The following MSRA variants were observed in gnomAD, a reference collection of about 807,000 sequenced individuals.
The protein encoded by MSRA is mitochondrial peptide methionine sulfoxide reductase.
Under a neutral mutation model 31.3 loss-of-function variants are expected in MSRA, and 54 were observed. The ratio of observed to expected loss-of-function variants is 1.73; its 90% CI spans 1.39 to 2.17. The LOEUF (loss-of-function observed/expected upper bound fraction) is 2.17, where lower values mean the gene tolerates loss of function less well. MSRA is among the 30% of genes most tolerant of loss of function. MSRA has a pLI of 0.00. For missense variants in MSRA, 507 were observed against 300.9 expected (o/e 1.69, Z -5.07); for synonymous variants, 169 against 116.5 (o/e 1.45, Z -2.90).
At chr8:10,256,850 G>A (rs1405555329) in intron 3 of MSRA, among the ~76,000 whole-genome samples, 1 of 152,106 alleles carries the variant, frequency 6.6e-6, no homozygotes, top group Non-Finnish European at 1.5e-5. Flanking sequence ...TCTCAGTTTG[G>A]GAGGACCTTG....
At chr8:10,107,299 A>T (rs978636791) in intron 1 of MSRA, among the ~76,000 whole-genome samples, 2 of 151,580 alleles carry the variant, frequency 1.3e-5, no homozygotes, top group Non-Finnish European at 2.9e-5. Context: ...TAAGTATAGC[A>T]CTCTGAAAAA....
intron 2 of MSRA, among the ~76,000 whole-genome samples, chr8:10,210,808 A>G (rs1337980784): frequency 1.3e-5 from 2 of 150,752 alleles, no homozygotes; most frequent in Non-Finnish European, 2.9e-5. Flanking sequence ...ATCTGAGCTC[A>G]CTGCAACCTC....
At chr8:10,237,971 T>C (rs1812094258) in intron 2 of MSRA, among the ~76,000 whole-genome samples, 2 of 151,968 alleles carry the variant, frequency 1.3e-5, no homozygotes, top group Non-Finnish European at 2.9e-5. Context: ...AAAACATAAG[T>C]TTTATCATTT....
At chr8:10,367,110 C>G (rs1353145658) in intron 5 of MSRA, among the ~76,000 whole-genome samples, 1 of 152,174 alleles carries the variant, frequency 6.6e-6, no homozygotes, top group Non-Finnish European at 1.5e-5. Context: ...TGAAATCACA[C>G]ACTGTCCCAC....
At chr8:10,399,377 G>A (rs1485512421) in intron 5 of MSRA, among the ~76,000 whole-genome samples, 1 of 152,194 alleles carries the variant, frequency 6.6e-6, no homozygotes, top group South Asian at 2.1e-4. Context: ...CCTGGTGCCA[G>A]GTATAGGATC....
rs867050600 is a variant in MSRA, at chr8:10,316,567, T to C, written c.437-3316T>C. Among the ~76,000 whole-genome samples, 347 of 145,212 alleles carry C rather than the reference T, an allele frequency of 2.4e-3. 2 individuals carry two copies. The Middle Eastern group carries it at 0.024, about 10-fold the overall frequency. On this transcript the variant is annotated intron_variant, in intron 4 of 5. Transcript: ENST00000317173. ...CTCTCTCTCTCTCTCTCTCTCTCTC[T>C]CTCTCTCCTTCCTCCTCCTCTTCTC...
chr8:10,215,783 A>T (rs1218880604), intron 2 of MSRA, among the ~76,000 whole-genome samples: 1 of 152,184 alleles, frequency 6.6e-6, no homozygotes, highest in African/African-American at 2.4e-5. Flanking sequence ...AGCTAATCAG[A>T]TGTGGCTAAT....
intron 3 of MSRA, among the ~76,000 whole-genome samples, chr8:10,248,456 A>G (rs1797742724): frequency 6.6e-6 from 1 of 152,110 alleles, no homozygotes; most frequent in African/African-American, 2.4e-5. Flanking sequence ...AGCTTCCACA[A>G]GCATTATCTC....
At chr8:10,113,126 G>A (rs1206023915) in intron 1 of MSRA, among the ~76,000 whole-genome samples, 1 of 151,884 alleles carries the variant, frequency 6.6e-6, no homozygotes, top group South Asian at 2.1e-4. Flanking sequence ...GTAGAGAACT[G>A]TGTCTTCCCC....
At chr8:10,066,746 G>A (rs901141716) in intron 1 of MSRA, among the ~76,000 whole-genome samples, 1 of 152,048 alleles carries the variant, frequency 6.6e-6, no homozygotes, top group Non-Finnish European at 1.5e-5. Flanking sequence ...TGTTGGCCGG[G>A]CTGGTCTCGA....
chr8:10,299,527 A>G (rs1478628592), intron 3 of MSRA, among the ~76,000 whole-genome samples: 1 of 152,112 alleles, frequency 6.6e-6, no homozygotes, highest in Admixed American at 6.5e-5. Context: ...ATAGTATTTG[A>G]ATTAAAATTA....
intron 4 of MSRA, among the ~76,000 whole-genome samples, chr8:10,314,137 T>A (rs1439342039): frequency 6.6e-6 from 1 of 152,116 alleles, no homozygotes; most frequent in Non-Finnish European, 1.5e-5. Flanking sequence ...AGGAAAAATA[T>A]TTGACAAATT....
intron 1 of MSRA, among the ~76,000 whole-genome samples, chr8:10,136,003 G>T (rs1265196099): frequency 6.6e-6 from 1 of 152,178 alleles, no homozygotes; most frequent in Non-Finnish European, 1.5e-5. Flanking sequence ...CCCATGAGGT[G>T]AGGGGACCTG....
intron 3 of MSRA, among the ~76,000 whole-genome samples, chr8:10,275,151 C>T (rs566402264): frequency 6.6e-6 from 1 of 151,770 alleles, no homozygotes; most frequent in Admixed American, 6.6e-5. Flanking sequence ...TCATAATGTG[C>T]CAAAGAAGAT....
At chr8:10,347,337 C>G (rs920790767) in intron 5 of MSRA, among the ~76,000 whole-genome samples, 4 of 152,226 alleles carry the variant, frequency 2.6e-5, no homozygotes, top group Non-Finnish European at 4.4e-5. Flanking sequence ...ATATCTGCAA[C>G]TGGATATTCC....
chr8:10,131,958 G>A (rs1407621408), intron 1 of MSRA, among the ~76,000 whole-genome samples: 1 of 152,162 alleles, frequency 6.6e-6, no homozygotes, highest in Non-Finnish European at 1.5e-5. Context: ...AAGAAGAACT[G>A]AATGATGTTT....
At chr8:10,228,330 G>A (rs142368552) in intron 2 of MSRA, among the ~76,000 whole-genome samples, 6 of 152,158 alleles carry the variant, frequency 3.9e-5, no homozygotes, top group South Asian at 4.1e-4. Flanking sequence ...TTGGAAATGC[G>A]CTGCATGTGG....
At chr8:10,100,193 G>C (rs985036583) in intron 1 of MSRA, among the ~76,000 whole-genome samples, 3 of 152,194 alleles carry the variant, frequency 2.0e-5, no homozygotes, top group Non-Finnish European at 4.4e-5. Context: ...TGCATGGGGG[G>C]ATGTAAATGG....
At chr8:10,320,878 A>T (rs1350322765) in intron 5 of MSRA, among the ~76,000 whole-genome samples, 1 of 152,106 alleles carries the variant, frequency 6.6e-6, no homozygotes, top group Non-Finnish European at 1.5e-5. Context: ...TCTTGTTTTT[A>T]AACAGTCTCT....
Sources: allele counts gnomAD v4.1 joint callset (sites outside exome capture counted in the v4.1 genomes callset), GRCh38; gene constraint gnomAD v4.1.1; transcripts MANE v1.5; gene names NCBI Gene and HGNC (gene_info 2026-07-23, HGNC 2026-07-21).